STXBP5L: variants seen among roughly 807,000 people sequenced by gnomAD.
STXBP5L encodes syntaxin-binding protein 5-like.
In STXBP5L, 65 loss-of-function variants were observed where a neutral mutation model predicts 144.5. The observed-to-expected ratio is 0.45, with a 90% CI of 0.37 to 0.55. STXBP5L has a LOEUF of 0.55. Ranked by LOEUF, STXBP5L falls within the 20% of genes least tolerant of loss-of-function variation. The pLI is 0.00. For synonymous variants in STXBP5L, 505 were observed against 469.6 expected (o/e 1.08, Z -0.97); for missense variants, 1,298 against 1,405.5 (o/e 0.92, Z 1.22).
At chr3:121,213,490 T>C (rs1277667324) in intron 10 of STXBP5L, among the ~76,000 whole-genome samples, 2 of 152,164 alleles carry the variant, frequency 1.3e-5, no homozygotes, top group African/African-American at 4.8e-5. Flanking sequence ...CATTAGTTAG[T>C]TCTATTTATG....
chr3:121,102,706 C>G (rs1432310348), intron 5 of STXBP5L, among the ~76,000 whole-genome samples: 5 of 152,058 alleles, frequency 3.3e-5, no homozygotes, highest in Non-Finnish European at 7.4e-5. Flanking sequence ...CAAGTGGGAC[C>G]TAATTAAACT....
At chr3:121,117,116 GTCT>G (rs997316788) in intron 6 of STXBP5L, among the ~76,000 whole-genome samples, 23 of 151,838 alleles carry the variant, frequency 1.5e-4, no homozygotes, top group African/African-American at 5.5e-4. Context: ...TGTTTATATA[GTCT>G]ATACAATTTC....
intron 19 of STXBP5L, among the ~76,000 whole-genome samples, chr3:121,309,609 A>G (rs2043457561): frequency 6.6e-6 from 1 of 152,154 alleles, no homozygotes; most frequent in Non-Finnish European, 1.5e-5. Context: ...AAAGAATTAG[A>G]TGACTGGAAA....
chr3:121,047,586 G>C (rs1048745084), intron 5 of STXBP5L, among the ~76,000 whole-genome samples: 1 of 152,140 alleles, frequency 6.6e-6, no homozygotes, highest in African/African-American at 2.4e-5. Flanking sequence ...TTGTTGAATT[G>C]AACCCTTTAC....
intron 5 of STXBP5L, among the ~76,000 whole-genome samples, chr3:121,092,146 C>A (rs1050700663): frequency 2.6e-5 from 4 of 152,116 alleles, no homozygotes; most frequent in African/African-American, 9.7e-5. Flanking sequence ...GTTTTGGTAC[C>A]AGTACCATGC....
chr3:121,289,692 T>C (rs1488093669), intron 19 of STXBP5L, among the ~76,000 whole-genome samples: 1 of 152,164 alleles, frequency 6.6e-6, no homozygotes, highest in East Asian at 1.9e-4. Context: ...GTCAAAATTA[T>C]ATCAAGTACT....
intron 22 of STXBP5L, among the ~76,000 whole-genome samples, chr3:121,391,359 T>G (rs1368913168): frequency 1.3e-5 from 2 of 152,166 alleles, no homozygotes; most frequent in African/African-American, 4.8e-5. Context: ...AGAAGTTTCT[T>G]ATTACTGACC....
chr3:121,048,886 A>C (rs1348100848), intron 5 of STXBP5L, among the ~76,000 whole-genome samples: 3 of 152,110 alleles, frequency 2.0e-5, no homozygotes, highest in African/African-American at 7.2e-5. Context: ...AGGCATGTGG[A>C]CAAGTCTGGC....
At chr3:121,018,103 G>A (rs1399705178) in intron 3 of STXBP5L, among the ~76,000 whole-genome samples, 1 of 124,200 alleles carries the variant, frequency 8.1e-6, no homozygotes, top group African/African-American at 3.5e-5. Context: ...ATGAATGAAT[G>A]AAGAGATATT....
At chr3:121,098,665 G>T (rs2043256452) in intron 5 of STXBP5L, among the ~76,000 whole-genome samples, 1 of 152,196 alleles carries the variant, frequency 6.6e-6, no homozygotes. Flanking sequence ...GAATGCTAAA[G>T]TTCAAGTTTT....
intron 3 of STXBP5L, among the ~76,000 whole-genome samples, chr3:120,973,904 G>A (rs1197189321): frequency 1.3e-5 from 2 of 152,116 alleles, no homozygotes; most frequent in Non-Finnish European, 1.5e-5. Flanking sequence ...GTATTCCATG[G>A]TGTATATATG....
chr3:121,230,110 T>C (rs953861810), intron 11 of STXBP5L, among the ~76,000 whole-genome samples: 2 of 152,208 alleles, frequency 1.3e-5, no homozygotes, highest in Non-Finnish European at 2.9e-5. Flanking sequence ...TACCTTTATT[T>C]ATTTATTTTA....
intron 20 of STXBP5L, among the ~76,000 whole-genome samples, chr3:121,339,423 A>G (rs1466409696): frequency 6.6e-6 from 1 of 152,192 alleles, no homozygotes; most frequent in Non-Finnish European, 1.5e-5. Flanking sequence ...TCAAAATAAT[A>G]AAAGCTACAT....
chr3:121,319,631 A>G lies in STXBP5L; in HGVS notation c.2176+1091A>G, dbSNP rs540093019. Among the ~76,000 whole-genome samples the G allele has an allele frequency of 1.8e-4, 28 of 152,290 alleles. No homozygotes were observed. In the South Asian group the frequency reaches 5.6e-3, roughly 30 times the overall value. ...TTTAGGTATTTATTGCCTCATACCT[A>G]TGGTATCATACAAATATTCTAGTAG... On this transcript the variant is annotated intron_variant, in intron 20 of 26. Coordinates refer to ENST00000471454, the MANE Select transcript of STXBP5L (RefSeq NM_001308330.2).
intron 5 of STXBP5L, among the ~76,000 whole-genome samples, chr3:121,063,286 G>A (rs2041373690): frequency 6.6e-6 from 1 of 152,180 alleles, no homozygotes; most frequent in South Asian, 2.1e-4. Context: ...GTTTGCTGGA[G>A]GTCTACTGCA....
At chr3:121,113,985 A>G (rs1389869305) in intron 5 of STXBP5L, among the ~76,000 whole-genome samples, 1 of 152,024 alleles carries the variant, frequency 6.6e-6, no homozygotes, top group East Asian at 1.9e-4. Flanking sequence ...TTATTCTTAT[A>G]TAAAGAAGTA....
chr3:121,314,561 G>A (rs2043706366), intron 19 of STXBP5L, among the ~76,000 whole-genome samples: 1 of 146,690 alleles, frequency 6.8e-6, no homozygotes, highest in African/African-American at 2.5e-5. Context: ...TCCAGCTTTG[G>A]CTCGGCATCA....
At chr3:121,096,637 A>G (rs1316398764) in intron 5 of STXBP5L, among the ~76,000 whole-genome samples, 2 of 152,092 alleles carry the variant, frequency 1.3e-5, no homozygotes, top group African/African-American at 4.8e-5. Context: ...GGTCCACTAC[A>G]GACGCTATTT....
intron 22 of STXBP5L, among the ~76,000 whole-genome samples, chr3:121,388,599 T>C (rs1162515698): frequency 2.0e-5 from 3 of 152,222 alleles, no homozygotes; most frequent in Admixed American, 1.3e-4. Context: ...GTTATTAGCC[T>C]GAAGAGCTGT....
Sources: gnomAD v4.1 joint callset for allele counts (sites outside exome capture counted in the v4.1 genomes callset) on GRCh38, gnomAD v4.1.1 for gene constraint, MANE v1.5 for transcripts, NCBI Gene and HGNC (gene_info 2026-07-23, HGNC 2026-07-21) for gene names.